Variants in ZNF236 observed in about 807,000 individuals in gnomAD.
ZNF236 encodes regulated by glucose.
Under a neutral mutation model 191.2 loss-of-function variants are expected in ZNF236, and 50 were observed. That is an observed-to-expected ratio of 0.26 (90% CI 0.21 to 0.33). ZNF236 has a LOEUF of 0.33. ZNF236 is among the 10% of genes least tolerant of loss of function. ZNF236 has a pLI of 1.00. For missense variants in ZNF236, 1,754 were observed against 2,374.5 expected (o/e 0.74, Z 5.43); for synonymous variants, 907 against 928.8 (o/e 0.98, Z 0.43).
chr18:76,852,962 G>A (rs762003955), intron 3 of ZNF236, among the ~76,000 whole-genome samples: 11 of 152,202 alleles, frequency 7.2e-5, no homozygotes, highest in South Asian at 2.1e-4. Flanking sequence ...TCAGCCACAC[G>A]CTTTTGGCTT....
rs1339725408 is a variant in ZNF236 at position 76,925,483 on chromosome 18, C to T, written c.3956C>T (p.Thr1319Ile). ...TTTATCATGAACAACTCTGTTCTAA[C>T]AGGACAGTTTGATCAGAATCTGCTG... The part of the protein sequence containing the change: ...NVFIMNNSVL[T>I]GQFDQNLLQP... Residue 1319 changes from threonine to isoleucine, a missense_variant, in exon 22 of 31, where the codon ACA becomes ATA. Around this residue, in one of 5 missense-constraint regions of ZNF236, gnomAD observed 606 missense variants for 761.5 expected, o/e 0.80. Coordinates refer to ENST00000320610, the MANE Select transcript of ZNF236 (RefSeq NM_001306089.2). This position sits in a 1 kb window ranked among gnomAD's most constrained non-coding sequence, Gnocchi z 5.7. The T allele has an allele frequency of 1.2e-6, 2 of 1,614,088 alleles. No individual in the cohort carries two copies. The highest frequency in any genetic ancestry group is 1.7e-6 in the Non-Finnish European group (2 of 1,180,044).
chr18:76,896,849 G>A (rs759975122), intron 10 of ZNF236, among the ~76,000 whole-genome samples: 1 of 151,540 alleles, frequency 6.6e-6, no homozygotes, highest in South Asian at 2.1e-4. Flanking sequence ...CTGTGCATAG[G>A]TACTGCACAC....
At chr18:76,898,915 G>A in intron 10 of ZNF236, 104 bp from the exon 11 acceptor site, 1 of 965,930 alleles carries the variant, frequency 1.0e-6, no homozygotes, top group Admixed American at 2.4e-5. Context: ...CTAATAAATT[G>A]AAGGTTCAAA....
intron 3 of ZNF236, among the ~76,000 whole-genome samples, chr18:76,855,858 C>T (rs576942462): frequency 6.6e-6 from 1 of 152,122 alleles, no homozygotes; most frequent in Non-Finnish European, 1.5e-5. Flanking sequence ...TGGCCCAGAA[C>T]ATCAGTAGTG....
At position 76,910,809 on chromosome 18, in the gene ZNF236, G is replaced by A; in HGVS notation, c.2803G>A (p.Val935Ile). The A allele has an allele frequency of 1.2e-6, 2 of 1,614,124 alleles. No individual in the cohort carries two copies. The stretch of plus-strand genomic sequence containing the variant: ...GGCTCCCAGCTCTGATGGGATGAAT[G>A]TAGTGAGTATGGACAGAGGGGTGCA... ...LQAPSSDGMNVTTRLIQESSQ... is the reference protein window; with the variant it reads ...LQAPSSDGMNITTRLIQESSQ... The change falls in exon 16 of 31, where the codon GTA becomes ATA. Residue 935 changes from valine (V) to isoleucine (I), a missense_variant and splice_region_variant. Val to Ile is a conservative substitution (Grantham distance 29). Coordinates refer to ENST00000320610, the MANE Select transcript of ZNF236 (RefSeq NM_001306089.2).
At chr18:76,939,288 G>A (rs1186602329) in intron 26 of ZNF236, among the ~76,000 whole-genome samples, 2 of 152,210 alleles carry the variant, frequency 1.3e-5, no homozygotes, top group African/African-American at 2.4e-5. Flanking sequence ...AGCTGAGATC[G>A]CACCTCTGTA....
chr18:76,858,211 T>C (rs1976105561), intron 3 of ZNF236, among the ~76,000 whole-genome samples: 1 of 152,224 alleles, frequency 6.6e-6, no homozygotes, highest in Non-Finnish European at 1.5e-5. Flanking sequence ...CATTTATTCG[T>C]TTTCATAGTA....
At chr18:76,860,329 A>G (rs1371095502) in intron 3 of ZNF236, among the ~76,000 whole-genome samples, 1 of 152,240 alleles carries the variant, frequency 6.6e-6, no homozygotes, top group Non-Finnish European at 1.5e-5. Context: ...GGTCACCAGC[A>G]CAGTGAGCTT....
At chr18:76,840,711 C>T (rs112041229) in intron 1 of ZNF236, 33,511 of 144,368 alleles carry the variant, frequency 0.23, 4,983 homozygotes, top group East Asian at 0.32. Context: ...CTGCAACCTC[C>T]GCCTCCCAGG....
rs372028039 is a variant in ZNF236, at chr18:76,937,260, G to A, written c.4699G>A (p.Ala1567Thr). The A allele has an allele frequency of 7.6e-5, 123 of 1,614,020 alleles. No homozygotes were observed. Among genetic ancestry groups the A allele is most frequent in the Non-Finnish European group, 9.6e-5 (113 of 1,180,034 alleles). ...GTCCTCGTCGGGCGTGGGAGGTGAC[G>A]CTAGTGTCACGCTGACGCTGGCCGA... is the stretch of plus-strand genomic sequence containing the variant. ...VMSSSGVGGD[A>T]SVTLTLADTQ... Residue 1567 changes from alanine (A) to threonine (T), a missense_variant, in exon 26 of 31, where the codon GCT (alanine) becomes ACT (threonine). Transcript: ENST00000320610.
In ZNF236 at chr18:76,968,341, G is replaced by A. The variant is rs759993686; in HGVS notation, c.*2G>A. ...CAGGCCCTCACCCACGTCTTCTGAT[G>A]CGAGTTGGAAGTACACCTTTAAGAA... On this transcript the variant is annotated 3_prime_UTR_variant, in exon 31 of 31. Transcript: ENST00000320610. 2.5e-6 allele frequency: 4 copies of A among 1,605,778 alleles called. No individual in the cohort carries two copies. The highest frequency in any genetic ancestry group is 1.1e-5 in the South Asian group (1 of 89,212).
intron 4 of ZNF236, among the ~76,000 whole-genome samples, chr18:76,871,351 G>C (rs1976579523): frequency 6.6e-6 from 1 of 152,094 alleles, no homozygotes; most frequent in Non-Finnish European, 1.5e-5. Context: ...GAGACTGGAG[G>C]AGGTGGTGTG....
rs772620395 is a variant in ZNF236, at chr18:76,895,204, A to G, written c.1609A>G (p.Ile537Val). The G allele has an allele frequency of 1.2e-6, 2 of 1,602,514 alleles. No homozygotes were observed. The highest frequency in any genetic ancestry group is 1.7e-6 in the Non-Finnish European group (2 of 1,179,962). ...LTAHIKTHTGIKAFKCQYCMK... is the reference protein window; with the variant it reads ...LTAHIKTHTGVKAFKCQYCMK... ...AGCGCACATCAAGACGCACACCGGC[A>G]TCAAGGCGTTCAAGTGCCAGTACTG... The change falls in exon 10 of 31, where the codon ATC becomes GTC. Residue 537 changes from isoleucine (I) to valine (V), a missense_variant. This residue lies in a region of ZNF236 where 641 missense variants were observed against 869.6 expected (regional missense o/e 0.74). Transcript: ENST00000320610.
At chr18:76,873,680 C>G (rs971848025) in intron 5 of ZNF236, among the ~76,000 whole-genome samples, 6 of 152,204 alleles carry the variant, frequency 3.9e-5, no homozygotes, top group African/African-American at 7.2e-5. Flanking sequence ...CCCAGCAGGG[C>G]TCCTGTCCAA....
intron 27 of ZNF236, among the ~76,000 whole-genome samples, chr18:76,949,915 C>T (rs1298614066): frequency 6.6e-6 from 1 of 152,122 alleles, no homozygotes; most frequent in Non-Finnish European, 1.5e-5. Context: ...CCTCAGCCTC[C>T]CACAGTGCTG....
In ZNF236 at chr18:76,927,439, C is replaced by G; in HGVS notation, c.4336C>G (p.Gln1446Glu). The change falls in exon 24 of 31, where the codon CAG becomes GAG. Residue 1446 changes from glutamine (Q) to glutamate (E), a missense_variant. By Grantham distance (29) the Gln-to-Glu change is conservative. Coordinates refer to ENST00000320610, the MANE Select transcript of ZNF236 (RefSeq NM_001306089.2). This position sits in a 1 kb window ranked among gnomAD's most constrained non-coding sequence, Gnocchi z 5.4. ...VIQPISGLSL[Q>E]PTVTSANLTI... ...CCAGCCCATCTCAGGCCTGTCCTTA[C>G]AGCCCACAGTGACCTCTGCGAACCT... 1 of 1,614,224 alleles carries G rather than the reference C, an allele frequency of 6.2e-7. No individual in the cohort carries two copies. Among genetic ancestry groups the G allele is most frequent in the Non-Finnish European group, 8.5e-7 (1 of 1,180,042 alleles).
rs150329882 is a variant in ZNF236 at position 76,961,802 on chromosome 18, A to G, written c.5419+947A>G. On this transcript the variant is annotated intron_variant, in intron 30 of 30. Transcript: ENST00000320610. ...GTATCACATTGTGGTTTTGATTTGC[A>G]TTTTCCTGATCATTAGTGATGTTGA... Among the ~76,000 whole-genome samples, 32 of 151,152 alleles carry G rather than the reference A, an allele frequency of 2.1e-4. No individual in the cohort carries two copies. In the East Asian group the frequency reaches 5.6e-3, roughly 27 times the overall value.
intron 1 of ZNF236, among the ~76,000 whole-genome samples, chr18:76,843,229 G>T (rs149921239): frequency 6.6e-6 from 1 of 152,016 alleles, no homozygotes; most frequent in Non-Finnish European, 1.5e-5. Context: ...GTGGGAATCA[G>T]ATAAACTGGT....
At chr18:76,932,278 A>G (rs1019291639) in intron 25 of ZNF236, among the ~76,000 whole-genome samples, 2 of 152,108 alleles carry the variant, frequency 1.3e-5, no homozygotes, top group African/African-American at 4.8e-5. Flanking sequence ...TTTTCTCCCA[A>G]CGCCAGCCAC....
Sources: gnomAD v4.1 joint callset for allele counts (sites outside exome capture counted in the v4.1 genomes callset) on GRCh38, gnomAD v4.1.1 for gene constraint, gnomAD v4.1.1 regional missense constraint, Gnocchi (gnomAD v3.1) non-coding constraint, MANE v1.5 for transcripts, NCBI Gene and HGNC (gene_info 2026-07-23, HGNC 2026-07-21) for gene names.